The following PHKB variants were observed in gnomAD, a reference collection of about 807,000 sequenced individuals.
PHKB encodes phosphorylase kinase regulatory subunit beta.
A neutral mutation model predicts 152.1 loss-of-function variants in PHKB; 122 were observed. That is an observed-to-expected ratio of 0.80 (90% CI 0.69 to 0.93). The LOEUF is 0.93. Among genes scored for constraint, PHKB ranks in the 40% least tolerant of loss-of-function variants. PHKB has a pLI of 0.00. For synonymous variants in PHKB, 436 were observed against 464.9 expected (o/e 0.94, Z 0.80); for missense variants, 1,304 against 1,328.4 (o/e 0.98, Z 0.29).
intron 1 of PHKB, among the ~76,000 whole-genome samples, chr16:47,465,961 A>G (rs1416082337): frequency 1.3e-5 from 2 of 152,232 alleles, no homozygotes; most frequent in Non-Finnish European, 2.9e-5. Context: ...CAAAAGTGAA[A>G]GCCAGTAGTA....
intron 14 of PHKB, among the ~76,000 whole-genome samples, chr16:47,628,255 G>A (rs1597134693): frequency 2.0e-5 from 3 of 152,130 alleles, no homozygotes; most frequent in South Asian, 2.1e-4. Context: ...ACTACTGGCC[G>A]GGCGCGGTGG....
chr16:47,484,386 G>A (rs556549330), intron 1 of PHKB, among the ~76,000 whole-genome samples: 241 of 152,196 alleles, frequency 1.6e-3, no homozygotes, highest in African/African-American at 5.3e-3. Context: ...TACCCACCTT[G>A]CTATCCATCA....
chr16:47,548,208 A>G (rs979837467), intron 7 of PHKB: 5 of 152,622 alleles, frequency 3.3e-5, no homozygotes, highest in Admixed American at 1.3e-4. Context: ...TAATAACAAA[A>G]TAATATAGTT....
chr16:47,598,298 G>C (rs1302315727), intron 13 of PHKB, among the ~76,000 whole-genome samples: 1 of 152,006 alleles, frequency 6.6e-6, no homozygotes, highest in African/African-American at 2.4e-5. Context: ...TCTTCTTCCA[G>C]ATAACTTGAA....
intron 14 of PHKB, among the ~76,000 whole-genome samples, chr16:47,628,538 A>C (rs1286952696): frequency 6.6e-6 from 1 of 152,240 alleles, no homozygotes; most frequent in Non-Finnish European, 1.5e-5. Flanking sequence ...TCTCAAAAAA[A>C]TAAATAAATA....
chr16:47,542,893 A>T (rs1971086579), intron 6 of PHKB, among the ~76,000 whole-genome samples: 1 of 152,074 alleles, frequency 6.6e-6, no homozygotes, highest in African/African-American at 2.4e-5. Flanking sequence ...GCTTAAGGAG[A>T]TTTTGGGCTG....
intron 7 of PHKB, among the ~76,000 whole-genome samples, chr16:47,548,377 G>T (rs1052971180): frequency 1.3e-5 from 2 of 152,144 alleles, no homozygotes; most frequent in African/African-American, 2.4e-5. Context: ...GGGAGGCCGA[G>T]GTGGGCAGAT....
At chr16:47,538,040 A>G (rs1970984711) in intron 6 of PHKB, among the ~76,000 whole-genome samples, 1 of 151,936 alleles carries the variant, frequency 6.6e-6, no homozygotes, top group African/African-American at 2.4e-5. Flanking sequence ...CCACAAGCAT[A>G]TGTTACCATG....
At chr16:47,694,375 A>G (rs1974113436) in intron 28 of PHKB, among the ~76,000 whole-genome samples, 1 of 152,210 alleles carries the variant, frequency 6.6e-6, no homozygotes, top group African/African-American at 2.4e-5. Context: ...CTTTATACAA[A>G]TAAAGTATTC....
chr16:47,570,683 A>T (rs1211445200), intron 7 of PHKB, among the ~76,000 whole-genome samples: 2 of 142,502 alleles, frequency 1.4e-5, no homozygotes, highest in African/African-American at 5.2e-5. Context: ...CATATCCTGT[A>T]TTTTTTTTTT....
chr16:47,676,396 A>G (rs559716537), intron 26 of PHKB: 111 of 152,202 alleles, frequency 7.3e-4, no homozygotes, highest in African/African-American at 2.5e-3. Context: ...GATTAAAGAG[A>G]TTGATTGATT....
intron 7 of PHKB, chr16:47,565,797 G>A: frequency 3.4e-6 from 5 of 1,486,414 alleles, no homozygotes; most frequent in South Asian, 2.3e-5. Flanking sequence ...TCTTTCTCTA[G>A]CAGCTGTGTC....
At chr16:47,649,986 G>A (rs955262268) in intron 18 of PHKB, among the ~76,000 whole-genome samples, 8 of 152,162 alleles carry the variant, frequency 5.3e-5, no homozygotes, top group East Asian at 1.9e-4. Flanking sequence ...CTAATGGTCT[G>A]TATAAATTCA....
chr16:47,596,144 GT>G (rs141283748), intron 12 of PHKB, among the ~76,000 whole-genome samples: 15,202 of 152,082 alleles, frequency 0.1, 1,531 homozygotes, highest in African/African-American at 0.26. Flanking sequence ...AGATCTGATG[GT>G]TTTGTAAATG....
In PHKB at chr16:47,656,930, T is replaced by G. The variant is rs996447807; in HGVS notation, c.1972-3576T>G. ...TATACTTGGTTTCCAAATCTCTAAA[T>G]GTAATTGGAGATTTTTCCCCTCATG... On this transcript the variant is annotated intron_variant, in intron 20 of 30. Coordinates refer to ENST00000323584, the MANE Select transcript of PHKB (RefSeq NM_000293.3). Among the ~76,000 whole-genome samples, 4 of 152,166 alleles carry G rather than the reference T, an allele frequency of 2.6e-5. No individual in the cohort carries two copies. In the South Asian group the frequency reaches 8.3e-4, roughly 32 times the overall value.
intron 1 of PHKB, among the ~76,000 whole-genome samples, chr16:47,470,445 C>CT (rs2151627773): frequency 6.6e-6 from 1 of 152,318 alleles, no homozygotes; most frequent in African/African-American, 2.4e-5. Context: ...TCCTTGCCCT[C>CT]ATTCCTTAAA....
At chr16:47,470,539 G>T (rs916324603) in intron 1 of PHKB, among the ~76,000 whole-genome samples, 20 of 152,174 alleles carry the variant, frequency 1.3e-4, no homozygotes, top group African/African-American at 4.6e-4. Context: ...CAGTTTTGGG[G>T]CTGGTTTATG....
chr16:47,516,263 A>G (rs1276829299), intron 6 of PHKB, among the ~76,000 whole-genome samples: 3 of 151,784 alleles, frequency 2.0e-5, no homozygotes, highest in African/African-American at 4.8e-5. Flanking sequence ...TTCATAACTC[A>G]CCCTTTGAAA....
At chr16:47,608,228 T>C (rs2151707909) in intron 13 of PHKB, among the ~76,000 whole-genome samples, 1 of 152,340 alleles carries the variant, frequency 6.6e-6, no homozygotes, top group South Asian at 2.1e-4. Context: ...TTTATCACTT[T>C]TGTTATGATG....
Sources: allele counts gnomAD v4.1 joint callset (sites outside exome capture counted in the v4.1 genomes callset), GRCh38; gene constraint gnomAD v4.1.1; transcripts MANE v1.5; gene names NCBI Gene and HGNC (gene_info 2026-07-23, HGNC 2026-07-21).